The following PRKG1 variants were observed in gnomAD, a reference collection of about 807,000 sequenced individuals.
PRKG1 encodes protein kinase cGMP-dependent 1, also known as cGMP-dependent protein kinase 1.
Under a neutral mutation model 88.1 loss-of-function variants are expected in PRKG1, and 35 were observed. The ratio of observed to expected loss-of-function variants is 0.40; its 90% confidence interval spans 0.30 to 0.53. The LOEUF is 0.53. Among genes scored for constraint, PRKG1 ranks in the 20% least tolerant of loss-of-function variants. PRKG1 has a pLI of 0.59. For missense variants in PRKG1, 540 were observed against 839.8 expected (o/e 0.64, Z 4.41); for synonymous variants, 303 against 292.5 (o/e 1.04, Z -0.37).
intron 1 of PRKG1, among the ~76,000 whole-genome samples, chr10:51,149,274 G>A (rs1274586868): frequency 6.6e-6 from 1 of 152,012 alleles, no homozygotes; most frequent in African/African-American, 2.4e-5. Context: ...TTTACATATT[G>A]CTAGCCTACT....
In PRKG1 at chr10:52,202,044, AT is replaced by A. The variant is rs911983512; in HGVS notation, c.1076+40091del. Among the ~76,000 whole-genome samples, 559 of 148,512 alleles carry A rather than the reference AT, an allele frequency of 3.8e-3. 3 individuals carry two copies. The highest frequency in any genetic ancestry group is 0.013 in the African/African-American group (523 of 40,536). On this transcript the variant is annotated intron_variant, in intron 9 of 17. Transcript: ENST00000373980. ...CTCTCTTCCTATTTGGATGCCTTTC[AT>A]TTTTTTTTTCTTGCCTGACTGCTCT...
chr10:51,239,351 A>T (rs1839089692), intron 2 of PRKG1, among the ~76,000 whole-genome samples: 2 of 152,230 alleles, frequency 1.3e-5, no homozygotes. Context: ...AAGAATTTTA[A>T]CACTCTCTGA....
At chr10:51,896,661 A>G (rs1262345231) in intron 4 of PRKG1, among the ~76,000 whole-genome samples, 5 of 150,598 alleles carry the variant, frequency 3.3e-5, no homozygotes, top group Middle Eastern at 3.2e-3. Flanking sequence ...AAAAAAAAAA[A>G]AAAAAAAAAG....
intron 3 of PRKG1, among the ~76,000 whole-genome samples, chr10:51,616,274 G>T (rs1433424496): frequency 1.3e-5 from 2 of 152,166 alleles, no homozygotes; most frequent in African/African-American, 4.8e-5. Flanking sequence ...GATCCACATG[G>T]TTCACTTCTT....
intron 3 of PRKG1, among the ~76,000 whole-genome samples, chr10:51,557,031 C>T (rs1477771104): frequency 6.6e-6 from 1 of 151,828 alleles, no homozygotes; most frequent in African/African-American, 2.4e-5. Context: ...TTCTTTTTCT[C>T]CTTGATCAGA....
intron 9 of PRKG1, among the ~76,000 whole-genome samples, chr10:52,163,606 C>A (rs1838342607): frequency 6.6e-6 from 1 of 151,956 alleles, no homozygotes; most frequent in Admixed American, 6.6e-5. Flanking sequence ...CCTATTTATT[C>A]CACTTAAAGT....
Position 51,604,583 on chromosome 10 carries a change from T to C in PRKG1, c.592+136747T>C, listed in dbSNP as rs1263551644. 1.1e-4 allele frequency among the ~76,000 whole-genome samples: 17 copies of C among 152,248 alleles called. 1 individual carries two copies. Among genetic ancestry groups the C allele is most frequent in the Admixed American group, 1.1e-3 (17 of 15,290 alleles). Reference sequence around the variant, plus strand: ...ATGCAATGTAAATTTTTCTTAATGCTGTGTGAGGAGAACCTTATCCAAAAC... The same window carrying C: ...ATGCAATGTAAATTTTTCTTAATGCCGTGTGAGGAGAACCTTATCCAAAAC... On this transcript the variant is annotated intron_variant, in intron 3 of 17. Coordinates refer to ENST00000373980, the MANE Select transcript of PRKG1 (RefSeq NM_006258.4).
At chr10:52,115,435 T>G (rs79298577) in intron 7 of PRKG1, among the ~76,000 whole-genome samples, 2,825 of 152,276 alleles carry the variant, frequency 0.019, 31 homozygotes, top group Non-Finnish European at 0.029. Context: ...CCATTATAAA[T>G]TTCCTGCTAT....
In PRKG1 at chr10:51,764,113, A is replaced by G. The variant is rs574152137; in HGVS notation, c.593-40472A>G. ...GAGGAACAAACATTCCAACCACTGC[A>G]TTATTGTTCTTGCTTTTTCCTTCAG... On this transcript the variant is annotated intron_variant, in intron 3 of 17. Transcript: ENST00000373980. Among the ~76,000 whole-genome samples, 10 of 152,326 alleles carry G rather than the reference A, an allele frequency of 6.6e-5. No homozygotes were observed. In the South Asian group the frequency reaches 2.1e-3, roughly 32 times the overall value.
chr10:51,054,801 A>G (rs889641340), intron 1 of PRKG1, among the ~76,000 whole-genome samples: 2 of 152,192 alleles, frequency 1.3e-5, no homozygotes, highest in East Asian at 1.9e-4. Context: ...ACCTTGGGCA[A>G]GTTACTTCAG....
At chr10:52,073,147 A>G (rs1589580852) in intron 7 of PRKG1, among the ~76,000 whole-genome samples, 1 of 152,120 alleles carries the variant, frequency 6.6e-6, no homozygotes, top group African/African-American at 2.4e-5. Flanking sequence ...CTGTCTTCAC[A>G]TGGCTGTTTT....
intron 3 of PRKG1, among the ~76,000 whole-genome samples, chr10:51,569,054 T>C (rs1326459349): frequency 6.6e-6 from 1 of 152,064 alleles, no homozygotes; most frequent in Non-Finnish European, 1.5e-5. Context: ...TGCCAGTTTT[T>C]ATGAGCTGTT....
intron 2 of PRKG1, among the ~76,000 whole-genome samples, chr10:51,365,174 G>A (rs535413499): frequency 2.8e-4 from 43 of 151,930 alleles, no homozygotes; most frequent in African/African-American, 8.4e-4. Context: ...ACAGTATCTG[G>A]CACATGGTAG....
Position 52,272,384 on chromosome 10 carries a change from A to G in PRKG1, c.1314-8A>G, listed in dbSNP as rs2132434246. On this transcript the variant is annotated splice_polypyrimidine_tract_variant and splice_region_variant and intron_variant, in intron 11 of 17. Transcript: ENST00000373980. Reference sequence around the variant, plus strand: ...TATAATCTTTGTTTTCTTGTTTGCAATTTACAGACTGTACAGAACATTTAA... The same window carrying G: ...TATAATCTTTGTTTTCTTGTTTGCAGTTTACAGACTGTACAGAACATTTAA... 6.3e-7 allele frequency: 1 copy of G among 1,580,584 alleles called. No individual in the cohort carries two copies.
intron 1 of PRKG1, among the ~76,000 whole-genome samples, chr10:51,029,926 C>T (rs1022742484): frequency 4.1e-4 from 63 of 151,864 alleles, no homozygotes; most frequent in African/African-American, 1.4e-3. Context: ...ATTATGATTG[C>T]GATAATAATA....
chr10:51,628,008 C>CTCTCTT (rs1554826926), intron 3 of PRKG1, among the ~76,000 whole-genome samples: 3 of 50,482 alleles, frequency 5.9e-5, no homozygotes, highest in African/African-American at 1.9e-4. Flanking sequence ...CTCTCTCTCT[C>CTCTCTT]TCTTTCTTTC....
intron 3 of PRKG1, among the ~76,000 whole-genome samples, chr10:51,738,870 T>C (rs1233206272): frequency 6.6e-6 from 1 of 152,196 alleles, no homozygotes; most frequent in Non-Finnish European, 1.5e-5. Flanking sequence ...ACTGATAATA[T>C]TTCCTCTCTT....
At chr10:51,704,860 A>G (rs985668535) in intron 3 of PRKG1, among the ~76,000 whole-genome samples, 5 of 152,198 alleles carry the variant, frequency 3.3e-5, no homozygotes, top group African/African-American at 1.2e-4. Flanking sequence ...CCCCTGAAAC[A>G]TGAACATAGA....
intron 4 of PRKG1, among the ~76,000 whole-genome samples, chr10:51,855,973 G>A (rs1374206582): frequency 1.3e-5 from 2 of 152,162 alleles, no homozygotes; most frequent in Non-Finnish European, 2.9e-5. Context: ...CAGCTGGGAT[G>A]GTTCCTTCCA....
Sources: allele counts gnomAD v4.1 joint callset (sites outside exome capture counted in the v4.1 genomes callset), GRCh38; gene constraint gnomAD v4.1.1; transcripts MANE v1.5; gene names NCBI Gene and HGNC (gene_info 2026-07-23, HGNC 2026-07-21).